FBXL13: variants seen among roughly 807,000 people sequenced by gnomAD.
FBXL13 encodes F-box and leucine-rich repeat protein 13.
FBXL13 carries 67 observed loss-of-function variants against 83.6 expected under a neutral mutation model. The ratio of observed to expected loss-of-function variants is 0.80; its 90% CI spans 0.66 to 0.98. FBXL13 has a LOEUF of 0.98. Among genes scored for constraint, FBXL13 ranks in the 50% least tolerant of loss-of-function variants. The pLI, the probability that FBXL13 is intolerant of heterozygous loss-of-function variation, is 0.00. For missense variants in FBXL13, 822 were observed against 866.5 expected (o/e 0.95, Z 0.64); for synonymous variants, 272 against 299.5 (o/e 0.91, Z 0.95).
At chr7:102,813,510 T>G (rs1797588068) in exon 20 of FBXL13, 5 of 1,614,066 alleles carry the variant, frequency 3.1e-6, no homozygotes, top group Non-Finnish European at 4.2e-6. Context: ...GAACTTTAGA[T>G]GACATTCTTT....
chr7:103,060,021 T>TATATAC (rs1491405303), intron 1 of FBXL13, among the ~76,000 whole-genome samples: 2 of 7,812 alleles, frequency 2.6e-4, no homozygotes, highest in African/African-American at 8.8e-4. Flanking sequence ...CAAGATATTT[T>TATATAC]ATATATATAT....
At chr7:102,962,420 T>C (rs1413926994) in intron 8 of FBXL13, among the ~76,000 whole-genome samples, 2 of 152,174 alleles carry the variant, frequency 1.3e-5, no homozygotes, top group Non-Finnish European at 1.5e-5. Context: ...TGGAAGTCAG[T>C]GTGGCTATTC....
intron 19 of FBXL13, 119 bp from the exon 21 acceptor site, chr7:102,813,650 C>T (rs958880031): frequency 1.0e-6 from 1 of 983,442 alleles, no homozygotes. Flanking sequence ...TCACATGAGA[C>T]CTCTCTTGCC....
At chr7:102,845,003 C>T (rs1803674859) in intron 17 of FBXL13, among the ~76,000 whole-genome samples, 1 of 152,034 alleles carries the variant, frequency 6.6e-6, no homozygotes, top group South Asian at 2.1e-4. Context: ...ACTTCTGTCC[C>T]CACAGAGTTG....
chr7:102,915,986 T>C (rs1329793090), intron 10 of FBXL13, among the ~76,000 whole-genome samples: 2 of 139,216 alleles, frequency 1.4e-5, no homozygotes, highest in Non-Finnish European at 3.0e-5. Flanking sequence ...AGTTTCTTCT[T>C]TTTTTTTTTT....
At chr7:102,913,014 A>C (rs547085166) in intron 11 of FBXL13, 72 bp downstream of exon 12, 4 of 1,591,472 alleles carry the variant, frequency 2.5e-6, no homozygotes, top group Non-Finnish European at 3.4e-6. Flanking sequence ...GTATAACGTG[A>C]GGGCTGAATG....
intron 11 of FBXL13, among the ~76,000 whole-genome samples, chr7:102,912,031 C>T (rs1302513066): frequency 6.6e-6 from 1 of 152,194 alleles, no homozygotes; most frequent in Non-Finnish European, 1.5e-5. Flanking sequence ...GAAACCCATG[C>T]TGCCCCTGTA....
At chr7:102,898,351 C>T (rs1299933874) in intron 11 of FBXL13, among the ~76,000 whole-genome samples, 1 of 152,134 alleles carries the variant, frequency 6.6e-6, no homozygotes, top group Non-Finnish European at 1.5e-5. Context: ...CTTTTCTTCT[C>T]TCTTTTTGAG....
At chr7:103,024,441 C>T (rs1349179666) in intron 6 of FBXL13, among the ~76,000 whole-genome samples, 1 of 149,004 alleles carries the variant, frequency 6.7e-6, no homozygotes, top group Non-Finnish European at 1.5e-5. Flanking sequence ...GCTGGAGAAT[C>T]GCTTGAACCC....
rs563450928 is a variant in FBXL13 at position 102,874,417 on chromosome 7, T to C, written c.1635+3050A>G. On this transcript the variant is annotated intron_variant, in intron 16 of 19. Transcript: ENST00000313221. ...TTGGAGGAAGAAAACAACAGAAGAC[T>C]TATTTTTTTCAATCTTTTAGCAGAA... The C allele has an allele frequency of 4.1e-5, 39 of 962,324 alleles. No homozygotes were observed. In the East Asian group the frequency reaches 3.6e-3, roughly 88 times the overall value. 59.6% of individuals were successfully genotyped at this position (962,324 alleles called of 1,614,324 possible).
intron 6 of FBXL13, among the ~76,000 whole-genome samples, chr7:103,013,149 C>T (rs1791836645): frequency 6.6e-6 from 1 of 152,174 alleles, no homozygotes; most frequent in Non-Finnish European, 1.5e-5. Context: ...TTCCTAGGGA[C>T]CTACAAAGAG....
chr7:103,049,039 A>G (rs1332369474), intron 2 of FBXL13, among the ~76,000 whole-genome samples: 3 of 152,326 alleles, frequency 2.0e-5, no homozygotes, highest in Non-Finnish European at 2.9e-5. Flanking sequence ...ACTTACACAG[A>G]CCATCTACAA....
intron 17 of FBXL13, among the ~76,000 whole-genome samples, chr7:102,834,032 T>TGAAAGAAG (rs1801203415): frequency 1.3e-5 from 1 of 75,450 alleles, no homozygotes; most frequent in Non-Finnish European, 2.4e-5. Context: ...GAAACCATGA[T>TGAAAGAAG]GAAGGAAGGA....
chr7:103,048,786 CAACTTGTTCAAACCTTTAGCTTTAT>C (rs1161946763), intron 2 of FBXL13, among the ~76,000 whole-genome samples: 1 of 152,174 alleles, frequency 6.6e-6, no homozygotes, highest in African/African-American at 2.4e-5. Context: ...AAACCTTCCA[CAACTTGTTCAAACCTTTAGCTTTAT>C]TCTATTTAAT....
chr7:102,991,385 T>C (rs1378180259), intron 6 of FBXL13, among the ~76,000 whole-genome samples: 3 of 152,136 alleles, frequency 2.0e-5, no homozygotes, highest in Admixed American at 6.5e-5. Context: ...AACACCCAGG[T>C]AGAGACTGTT....
intron 6 of FBXL13, among the ~76,000 whole-genome samples, chr7:102,985,458 C>G (rs1006148257): frequency 6.6e-6 from 1 of 152,170 alleles, no homozygotes; most frequent in Non-Finnish European, 1.5e-5. Context: ...AACCAACAAC[C>G]CACAGAGGCA....
chr7:102,833,120 A>G, intron 17 of FBXL13, 146 bp from the exon 19 acceptor site: 3 of 812,488 alleles, frequency 3.7e-6, no homozygotes, highest in Non-Finnish European at 5.7e-6. Context: ...TAAAAAACCC[A>G]TGTTACATCC....
chr7:103,052,605 A>C (rs1026463667), intron 2 of FBXL13, among the ~76,000 whole-genome samples: 5 of 152,172 alleles, frequency 3.3e-5, no homozygotes, highest in African/African-American at 1.2e-4. Context: ...TTGCAAAGTC[A>C]TATCTCATTT....
chr7:103,015,227 G>T lies in FBXL13; in HGVS notation c.495+9836C>A, dbSNP rs867355922. 4.6e-5 allele frequency among the ~76,000 whole-genome samples: 7 copies of T among 152,232 alleles called. 1 individual carries two copies. In the South Asian group the frequency reaches 1.5e-3, roughly 32 times the overall value. ...AAGAGCCATTTATGAAAAACCCACA[G>T]CCAACATCCTACTGAATGGGCAAAA... On this transcript the variant is annotated intron_variant, in intron 6 of 19. Coordinates refer to ENST00000313221, the Ensembl canonical transcript of FBXL13.
Sources: allele counts gnomAD v4.1 joint callset (sites outside exome capture counted in the v4.1 genomes callset), GRCh38; gene constraint gnomAD v4.1.1; transcripts MANE v1.5; gene names NCBI Gene and HGNC (gene_info 2026-07-23, HGNC 2026-07-21).